The following SH3PXD2B variants were observed in gnomAD, a reference collection of about 807,000 sequenced individuals.
SH3PXD2B encodes the protein SH3 and PX domain-containing protein 2B.
Under a neutral mutation model 73.1 loss-of-function variants are expected in SH3PXD2B, and 37 were observed. That is an observed-to-expected ratio of 0.51 (90% confidence interval 0.39 to 0.67). SH3PXD2B has a LOEUF of 0.67. Among genes scored for constraint, SH3PXD2B ranks in the 30% least tolerant of loss-of-function variants. The pLI, the probability that SH3PXD2B is intolerant of heterozygous loss-of-function variation, is 0.00. For synonymous variants in SH3PXD2B, 457 were observed against 480.5 expected (o/e 0.95, Z 0.64); for missense variants, 1,053 against 1,197.8 (o/e 0.88, Z 1.78).
intron 2 of SH3PXD2B, among the ~76,000 whole-genome samples, chr5:172,413,299 C>A (rs1246531988): frequency 4.6e-5 from 7 of 152,200 alleles, no homozygotes; most frequent in African/African-American, 1.4e-4. Context: ...ATTCTGGCCC[C>A]TCCACGAGCT....
At chr5:172,424,303 A>G (rs1489512905) in intron 1 of SH3PXD2B, among the ~76,000 whole-genome samples, 1 of 151,792 alleles carries the variant, frequency 6.6e-6, no homozygotes, top group Non-Finnish European at 1.5e-5. Flanking sequence ...GAGCCACCAC[A>G]GTGTAACTGA....
chr5:172,366,932 A>ACTTTTTTT, intron 6 of SH3PXD2B, among the ~76,000 whole-genome samples: 1 of 75,106 alleles, frequency 1.3e-5, no homozygotes, highest in South Asian at 5.6e-4. Flanking sequence ...GTGCCCGGCC[A>ACTTTTTTT]TTTTTTTTTT....
At chr5:172,340,014 T>C (rs1478485525) in intron 12 of SH3PXD2B, 98 bp from the exon 13 acceptor site, 2 of 1,566,026 alleles carry the variant, frequency 1.3e-6, no homozygotes, top group African/African-American at 2.7e-5. Context: ...CTCTAGAAGC[T>C]GTCACTGTGT....
intron 1 of SH3PXD2B, among the ~76,000 whole-genome samples, chr5:172,441,126 G>A (rs1055681533): frequency 6.6e-6 from 1 of 152,132 alleles, no homozygotes; most frequent in Non-Finnish European, 1.5e-5. Context: ...GGGGCTAGAG[G>A]ATCTCATTTG....
rs951429569 is a variant in SH3PXD2B, at chr5:172,334,388, C to T, written c.*3981G>A. ...AGAGAGGGCGCCCTGCACCCTCAGG[C>T]CTCGATGCATGCTGCTCTACCTCTC... On this transcript the variant is annotated 3_prime_UTR_variant, in exon 13 of 13. Coordinates refer to ENST00000311601, the MANE Select transcript of SH3PXD2B (RefSeq NM_001017995.3). 12 of 991,646 alleles carry T rather than the reference C, an allele frequency of 1.2e-5. No individual in the cohort carries two copies. Among genetic ancestry groups the T allele is most frequent in the Non-Finnish European group, 1.4e-5 (12 of 834,762 alleles). 61.4% of individuals were successfully genotyped at this position (991,646 alleles called of 1,614,324 possible). A position where few individuals can be genotyped will look rare whatever the true frequency, so the allele number is the denominator to read the frequency against.
intron 12 of SH3PXD2B, among the ~76,000 whole-genome samples, chr5:172,327,752 GTTTTT>G (rs3053146): frequency 2.8e-5 from 4 of 142,422 alleles, no homozygotes; most frequent in Non-Finnish European, 6.0e-5. Flanking sequence ...CTGCAACTGG[GTTTTT>G]TTTTTTTTTT....
intron 1 of SH3PXD2B, among the ~76,000 whole-genome samples, chr5:172,435,545 C>A (rs1759368487): frequency 6.6e-6 from 1 of 152,130 alleles, no homozygotes; most frequent in South Asian, 2.1e-4. Flanking sequence ...GCCTCAGCCT[C>A]CTGAGTAGGT....
downstream of SH3PXD2B, among the ~76,000 whole-genome samples, chr5:172,331,111 C>T (rs1032465208): frequency 6.6e-6 from 1 of 152,208 alleles, no homozygotes; most frequent in Non-Finnish European, 1.5e-5. Flanking sequence ...AGGAGAATCG[C>T]TTGAACCCGG....
chr5:172,440,812 G>C (rs1374207139), intron 1 of SH3PXD2B, among the ~76,000 whole-genome samples: 1 of 152,188 alleles, frequency 6.6e-6, no homozygotes, highest in African/African-American at 2.4e-5. Context: ...GACAGACCTG[G>C]GTTCAATCCC....
intron 1 of SH3PXD2B, among the ~76,000 whole-genome samples, chr5:172,429,277 C>T (rs1356977412): frequency 2.0e-5 from 3 of 152,190 alleles, no homozygotes; most frequent in Admixed American, 6.5e-5. Flanking sequence ...TGCTTTTCCT[C>T]TCTGTCCCCT....
In SH3PXD2B at chr5:172,339,465, T is replaced by C. The variant is rs1345246710; in HGVS notation, c.1640A>G (p.Glu547Gly). ...LERERERQRT[E>G]QLRGPTPKPP... ...CTTGGGAGTGGGGCCCCGGAGCTGC[T>C]CCGTCCTCTGCCGCTCCCGCTCCCG... The change falls in exon 13 of 13, where the codon GAG becomes GGG. Residue 547 changes from glutamate (E) to glycine (G), a missense_variant. By Grantham distance (98) the Glu-to-Gly change is moderately conservative. This residue lies in a region of SH3PXD2B where 587 missense variants were observed against 590.7 expected (regional missense o/e 0.99). Transcript: ENST00000311601. This position sits in a 1 kb window ranked among gnomAD's most constrained non-coding sequence, Gnocchi z 6.1. The C allele has an allele frequency of 6.2e-7, 1 of 1,613,868 alleles. No individual in the cohort carries two copies. The highest frequency in any genetic ancestry group is 8.5e-7 in the Non-Finnish European group (1 of 1,179,908).
At chr5:172,389,145 T>A (rs1399336488) in intron 4 of SH3PXD2B, among the ~76,000 whole-genome samples, 3 of 151,514 alleles carry the variant, frequency 2.0e-5, no homozygotes, top group Non-Finnish European at 4.4e-5. Flanking sequence ...AACCTCTGCC[T>A]TCTGGGTTCA....
In SH3PXD2B at chr5:172,353,832, C is replaced by T. The variant is rs1757212886; in HGVS notation, c.785+56G>A. ...AGGCCAGAGTCCCTGTGACCCCAAA[C>T]CCACCCAGCGTGACCCCAAACCCAC... On this transcript the variant is annotated intron_variant, in intron 9 of 12. Coordinates refer to ENST00000311601, the MANE Select transcript of SH3PXD2B (RefSeq NM_001017995.3). This position sits in a 1 kb window ranked among gnomAD's most constrained non-coding sequence, Gnocchi z 4.3. 2.1e-6 allele frequency: 3 copies of T among 1,436,784 alleles called. No individual in the cohort carries two copies. The highest frequency in any genetic ancestry group is 2.0e-6 in the Non-Finnish European group (2 of 1,019,956). The allele number at this position is 1,436,784 out of a possible 1,614,324, so 89.0% of individuals were successfully genotyped here. A position where few individuals can be genotyped will look rare whatever the true frequency, so the allele number is the denominator to read the frequency against.
rs1255649132 is a variant in SH3PXD2B at position 172,339,180 on chromosome 5, A to C, written c.1925T>G (p.Val642Gly). Residue 642 changes from valine to glycine, a missense_variant, in exon 13 of 13, where the codon GTT (valine) becomes GGT (glycine). Val to Gly is a moderately radical substitution (Grantham distance 109, BLOSUM62 -3). This residue lies in a region of SH3PXD2B where 587 missense variants were observed against 590.7 expected (regional missense o/e 0.99). Coordinates refer to ENST00000311601, the MANE Select transcript of SH3PXD2B (RefSeq NM_001017995.3). This position sits in a 1 kb window ranked among gnomAD's most constrained non-coding sequence, Gnocchi z 6.1. ...GGGGGAAGGAGCTGGTTTTGGCCTA[A>C]CCTGAGGTCTGGACTTCAAGAAGGG... ...QNPFLKSRPQ[V>G]RPKPAPSPKT... 4 of 1,614,114 alleles carry C rather than the reference A, an allele frequency of 2.5e-6. No individual in the cohort carries two copies. In the East Asian group the frequency reaches 8.9e-5, roughly 36 times the overall value.
At chr5:172,377,738 T>C (rs1225310047) in intron 5 of SH3PXD2B, among the ~76,000 whole-genome samples, 4 of 152,242 alleles carry the variant, frequency 2.6e-5, no homozygotes, top group Admixed American at 2.0e-4. Context: ...TCCAGCATGA[T>C]GGACGTATAT....
chr5:172,423,727 CTGCCTCCCGGGT>C (rs1280906408), intron 1 of SH3PXD2B, among the ~76,000 whole-genome samples: 7 of 152,134 alleles, frequency 4.6e-5, no homozygotes, highest in African/African-American at 1.7e-4. Context: ...TCTCGGCTCA[CTGCCTCCCGGGT>C]TCAAGAGATT....
chr5:172,340,225 G>T (rs532688031), intron 12 of SH3PXD2B, among the ~76,000 whole-genome samples: 1 of 152,358 alleles, frequency 6.6e-6, no homozygotes, highest in African/African-American at 2.4e-5. Context: ...AGAGAAAGAA[G>T]GGAAAGGGAG....
chr5:172,334,680 T>C lies in SH3PXD2B; in HGVS notation c.*3689A>G, dbSNP rs975791364. 2 of 985,534 alleles carry C rather than the reference T, an allele frequency of 2.0e-6. No homozygotes were observed. Among genetic ancestry groups the C allele is most frequent in the Non-Finnish European group, 2.4e-6 (2 of 830,014 alleles). The allele number at this position is 985,534 out of a possible 1,614,324, so 61.0% of individuals were successfully genotyped here. On this transcript the variant is annotated 3_prime_UTR_variant, in exon 13 of 13. Transcript: ENST00000311601. ...GAATGTTTTTGTTCTTGATGTCAAG[T>C]TGCCAGCTACTGGAAGGCAGGAGCA...
At position 172,339,532 on chromosome 5, in the gene SH3PXD2B, G is replaced by T. The variant is rs752576211; in HGVS notation, c.1573C>A (p.Arg525=). 1 of 1,614,114 alleles carries T rather than the reference G, an allele frequency of 6.2e-7. No individual in the cohort carries two copies. The highest frequency in any genetic ancestry group is 8.5e-7 in the Non-Finnish European group (1 of 1,180,024). ...DMEEKPSLPP[R]KESIIKSEGE... is the part of the protein sequence containing the mutation. ...TCCGACTTGATGATGGATTCTTTCC[G>T]CGGAGGGAGGCTGGGCTTCTCCTCC... The change falls in exon 13 of 13, where the codon CGG becomes AGG. Residue 525 remains arginine, a synonymous_variant. Coordinates refer to ENST00000311601, the MANE Select transcript of SH3PXD2B (RefSeq NM_001017995.3). This position sits in a 1 kb window ranked among gnomAD's most constrained non-coding sequence, Gnocchi z 6.1.
Sources: allele counts gnomAD v4.1 joint callset (sites outside exome capture counted in the v4.1 genomes callset), GRCh38; gene constraint gnomAD v4.1.1; regional missense constraint gnomAD v4.1.1; non-coding constraint Gnocchi (gnomAD v3.1); transcripts MANE v1.5; gene names NCBI Gene and HGNC (gene_info 2026-07-23, HGNC 2026-07-21).